TMEM26: variants seen among roughly 807,000 people sequenced by gnomAD.
The protein encoded by TMEM26 is transmembrane protein 26.
Under a neutral mutation model 28.8 loss-of-function variants are expected in TMEM26, and 38 were observed. The ratio of observed to expected loss-of-function variants is 1.32; its 90% confidence interval spans 1.02 to 1.73. The LOEUF (loss-of-function observed/expected upper bound fraction) is 1.73, where lower values mean the gene tolerates loss of function less well. Among genes scored for constraint, TMEM26 ranks in the 40% most tolerant of loss-of-function variants. The pLI is 0.00. For missense variants in TMEM26, 518 were observed against 447.1 expected, an observed-to-expected ratio of 1.16 and a Z score of -1.43; for synonymous variants, 227 against 182.9, an observed-to-expected ratio of 1.24 and a Z score of -1.95.
At chr10:61,424,089 A>T (rs1220597121) in intron 4 of TMEM26, among the ~76,000 whole-genome samples, 2 of 152,190 alleles carry the variant, frequency 1.3e-5, no homozygotes, top group Non-Finnish European at 2.9e-5. Flanking sequence ...AGTTCTTGCC[A>T]GTGCAATAAG....
chr10:61,411,037 T>C (rs1236204158), intron 5 of TMEM26, among the ~76,000 whole-genome samples: 1 of 152,172 alleles, frequency 6.6e-6, no homozygotes, highest in Non-Finnish European at 1.5e-5. Flanking sequence ...TCACAAGTGC[T>C]TATAGCCCAA....
intron 1 of TMEM26, among the ~76,000 whole-genome samples, chr10:61,446,817 CAAAAAAAAAAAAAAA>C (rs34030340): frequency 1.0e-3 from 34 of 33,948 alleles, no homozygotes; most frequent in Admixed American, 3.0e-3. Flanking sequence ...GACTCCATCT[CAAAAAAAAAAAAAAA>C]AAAAAAAAAA....
rs745530212 is a variant in TMEM26, at chr10:61,410,657, C to G, written c.772G>C (p.Gly258Arg). 14 of 1,613,932 alleles carry G rather than the reference C, an allele frequency of 8.7e-6. No individual in the cohort carries two copies. The highest frequency in any genetic ancestry group is 1.2e-5 in the Non-Finnish European group (14 of 1,180,022). ...CCATCTTGTATGAAGACGCTGATTC[C>G]GATGTTCCACAGATCGGCACTGTAC... is the stretch of plus-strand genomic sequence containing the variant. The part of the protein sequence containing the change: ...CQYSADLWNI[G>R]ISVFIQDGPF... Residue 258 changes from glycine (G) to arginine (R), a missense_variant, in exon 6 of 6, where the codon GGA (glycine) becomes CGA (arginine). By Grantham distance (125) the Gly-to-Arg change is moderately radical. Coordinates refer to ENST00000399298, the MANE Select transcript of TMEM26 (RefSeq NM_178505.8).
chr10:61,448,622 T>G (rs1270201370), intron 1 of TMEM26, among the ~76,000 whole-genome samples: 3 of 150,374 alleles, frequency 2.0e-5, no homozygotes, highest in Admixed American at 6.6e-5. Flanking sequence ...TTTTTTTGTT[T>G]TTTTTTTTTT....
At chr10:61,423,739 T>TA (rs1283018747) in intron 4 of TMEM26, among the ~76,000 whole-genome samples, 1 of 151,940 alleles carries the variant, frequency 6.6e-6, no homozygotes, top group Non-Finnish European at 1.5e-5. Flanking sequence ...TCTCAAAAGA[T>TA]AAAAAAAGAT....
In TMEM26 at chr10:61,436,237, G is replaced by A. The variant is rs1399024609; in HGVS notation, c.203C>T (p.Ala68Val). ...GATGCTAATCAGATATAAAAATATGGCTGGTGAAAACCTGTGAAAAGAGAG... is the reference window on the plus strand; with the variant it reads ...GATGCTAATCAGATATAAAAATATGACTGGTGAAAACCTGTGAAAAGAGAG... ...RGRGYKWFSP[A>V]IFLYLISIVP... is the part of the protein sequence containing the mutation. Residue 68 changes from alanine (A) to valine (V), a missense_variant, in exon 2 of 6, where the codon GCC (alanine) becomes GTC (valine). By Grantham distance (64) the Ala-to-Val change is moderately conservative. Transcript: ENST00000399298. 6 of 1,599,016 alleles carry A rather than the reference G, an allele frequency of 3.8e-6. No individual in the cohort carries two copies. The highest frequency in any genetic ancestry group is 4.3e-6 in the Non-Finnish European group (5 of 1,171,754).
chr10:61,410,385 C>G lies in TMEM26; in HGVS notation c.1044G>C (p.Glu348Asp), dbSNP rs375134187. The G allele has an allele frequency of 6.2e-7, 1 of 1,613,974 alleles. No individual in the cohort carries two copies. Among genetic ancestry groups the G allele is most frequent in the Non-Finnish European group, 8.5e-7 (1 of 1,180,000 alleles). Residue 348 changes from glutamate (E) to aspartate (D), a missense_variant, in exon 6 of 6, where the codon GAG becomes GAC. Coordinates refer to ENST00000399298, the MANE Select transcript of TMEM26 (RefSeq NM_178505.8). ...AGCCCCGCAAAGGAATAGCCAGGCCCTCCTTAGACTCGTTCTGCCAGTCCC... is the reference window on the plus strand; with the variant it reads ...AGCCCCGCAAAGGAATAGCCAGGCCGTCCTTAGACTCGTTCTGCCAGTCCC... ...SQRDWQNESKEGLAIPLRGSP... is the reference protein window; with the variant it reads ...SQRDWQNESKDGLAIPLRGSP...
intron 1 of TMEM26, among the ~76,000 whole-genome samples, chr10:61,449,778 G>GT (rs918894024): frequency 8.2e-4 from 123 of 150,716 alleles, no homozygotes; most frequent in Middle Eastern, 6.8e-3. Flanking sequence ...AATATGGAAG[G>GT]TTTTTTTTTC....
intron 1 of TMEM26, 34 bp downstream of exon 1, chr10:61,452,857 C>T: frequency 6.3e-7 from 1 of 1,599,100 alleles, no homozygotes; most frequent in Non-Finnish European, 8.6e-7. Flanking sequence ...ACCCTAGGGC[C>T]CCGTGCGCCC....
chr10:61,437,884 T>C (rs758601010), intron 1 of TMEM26, among the ~76,000 whole-genome samples: 5 of 152,232 alleles, frequency 3.3e-5, no homozygotes, highest in Non-Finnish European at 7.3e-5. Context: ...TATAATTTTA[T>C]TAAAATGCTT....
chr10:61,439,230 C>A (rs1375287386), intron 1 of TMEM26, among the ~76,000 whole-genome samples: 1 of 152,184 alleles, frequency 6.6e-6, no homozygotes, highest in Non-Finnish European at 1.5e-5. Flanking sequence ...TGTGGCCCAA[C>A]ACATGCTGTA....
intron 5 of TMEM26, among the ~76,000 whole-genome samples, 198 bp downstream of exon 5, chr10:61,413,261 C>T (rs1012293226): frequency 5.3e-5 from 8 of 152,106 alleles, no homozygotes; most frequent in Non-Finnish European, 1.2e-4. Flanking sequence ...GCTCTACTAT[C>T]TTAAGCTCAC....
chr10:61,446,843 A>AAAG (rs1840190700), intron 1 of TMEM26, among the ~76,000 whole-genome samples: 5 of 144,104 alleles, frequency 3.5e-5, no homozygotes, highest in Non-Finnish European at 7.5e-5. Flanking sequence ...AAAAAAAAAA[A>AAAG]AAAAAAAAAT....
At chr10:61,450,767 A>ATT (rs575052086) in intron 1 of TMEM26, among the ~76,000 whole-genome samples, 2 of 150,210 alleles carry the variant, frequency 1.3e-5, no homozygotes, top group South Asian at 4.2e-4. Flanking sequence ...AAAGGTGAGA[A>ATT]TTTTTTTTTT....
Position 61,410,487 on chromosome 10 carries a change from C to T in TMEM26, c.942G>A (p.Ser314=), listed in dbSNP as rs199811582. The T allele has an allele frequency of 9.0e-5, 146 of 1,614,038 alleles. No homozygotes were observed. The highest frequency in any genetic ancestry group is 1.6e-4 in the African/African-American group (12 of 74,914). The change falls in exon 6 of 6, where the codon TCG becomes TCA. Residue 314 remains serine, a synonymous_variant. Transcript: ENST00000399298. ...LVVLALAVRA[S]LRSQSEGLKG... ...TCAGGCCTTCTGACTGACTTCTCAA[C>T]GAAGCACGGACTGCCAATGCCAGCA... is the stretch of plus-strand genomic sequence containing the variant.
Position 61,453,259 on chromosome 10 carries a change from C to T in TMEM26, c.-178G>A. 1 of 639,340 alleles carries T rather than the reference C, an allele frequency of 1.6e-6. No individual in the cohort carries two copies. Among genetic ancestry groups the T allele is most frequent in the Admixed American group, 2.9e-5 (1 of 34,132 alleles). 39.6% of individuals were successfully genotyped at this position (639,340 alleles called of 1,614,324 possible). A position where few individuals can be genotyped will look rare whatever the true frequency, so the allele number is the denominator to read the frequency against. On this transcript the variant is annotated 5_prime_UTR_variant, in exon 1 of 6. Transcript: ENST00000399298. ...GAACTGGTGCGCGGCTCGCCCCTCC[C>T]CCAAACTTCCTGAGAACTCTTCAAA...
intron 4 of TMEM26, among the ~76,000 whole-genome samples, chr10:61,417,217 G>A (rs1427527156): frequency 6.6e-6 from 1 of 151,924 alleles, no homozygotes; most frequent in Non-Finnish European, 1.5e-5. Context: ...AAGCATGTAA[G>A]CAGACAATGA....
At chr10:61,443,887 G>A (rs531657855) in intron 1 of TMEM26, among the ~76,000 whole-genome samples, 2 of 152,284 alleles carry the variant, frequency 1.3e-5, no homozygotes, top group South Asian at 4.1e-4. Context: ...ACTAGTTATA[G>A]TGACAAAATA....
At position 61,407,968 on chromosome 10, in the gene TMEM26, C is replaced by T. The variant is rs931108439; in HGVS notation, c.*2354G>A. On this transcript the variant is annotated 3_prime_UTR_variant, in exon 6 of 6. Coordinates refer to ENST00000399298, the MANE Select transcript of TMEM26 (RefSeq NM_178505.8). ...AAACATTACAGTATTTAGCAGTCTA[C>T]GCTATGAACTGAACAAATTTGTAAT... The T allele has an allele frequency of 1.1e-4, 17 of 152,234 alleles. No homozygotes were observed. The highest frequency in any genetic ancestry group is 3.6e-4 in the African/African-American group (15 of 41,538). The allele number at this position is 152,234 out of a possible 1,614,324, so 9.4% of individuals were successfully genotyped here. A position where few individuals can be genotyped will look rare whatever the true frequency, so the allele number is the denominator to read the frequency against.
Sources: allele counts gnomAD v4.1 joint callset (sites outside exome capture counted in the v4.1 genomes callset), GRCh38; gene constraint gnomAD v4.1.1; transcripts MANE v1.5; gene names NCBI Gene and HGNC (gene_info 2026-07-23, HGNC 2026-07-21).